The following CTNNA2 variants were observed in gnomAD, a reference collection of about 807,000 sequenced individuals.
The protein encoded by CTNNA2 is catenin alpha 2, also known as catenin alpha-2.
In CTNNA2, 42 loss-of-function variants were observed where a neutral mutation model predicts 101.0. The observed-to-expected ratio is 0.42, with a 90% CI of 0.32 to 0.54. The LOEUF is 0.54. Among genes scored for constraint, CTNNA2 ranks in the 20% least tolerant of loss-of-function variants. The pLI, the probability that CTNNA2 is intolerant of heterozygous loss-of-function variation, is 0.14. For synonymous variants in CTNNA2, 450 were observed against 456.4 expected (o/e 0.99, Z 0.18); for missense variants, 871 against 1,223.1 (o/e 0.71, Z 4.29).
At chr2:80,632,547 T>C (rs1672412620) in intron 18 of CTNNA2, among the ~76,000 whole-genome samples, 1 of 152,164 alleles carries the variant, frequency 6.6e-6, no homozygotes, top group Admixed American at 6.5e-5. Context: ...CTGACCATTC[T>C]CTGTAACTGG....
chr2:80,401,890 T>C (rs552724860), intron 8 of CTNNA2, among the ~76,000 whole-genome samples: 1 of 152,304 alleles, frequency 6.6e-6, no homozygotes, highest in African/African-American at 2.4e-5. Context: ...CCTCACTGAC[T>C]AGTTCTTTGA....
At chr2:80,363,616 C>T (rs927025465) in intron 7 of CTNNA2, among the ~76,000 whole-genome samples, 8 of 152,126 alleles carry the variant, frequency 5.3e-5, no homozygotes, top group African/African-American at 1.9e-4. Flanking sequence ...GTGAGGATTT[C>T]TGTACTTAGA....
At chr2:79,383,179 G>T (rs920499220) in intron 4 of CTNNA2, among the ~76,000 whole-genome samples, 7 of 152,188 alleles carry the variant, frequency 4.6e-5, no homozygotes, top group Non-Finnish European at 1.0e-4. Context: ...AACAGTAGAA[G>T]ATAAAGTGCC....
intron 1 of CTNNA2, among the ~76,000 whole-genome samples, chr2:79,570,839 C>A (rs1675419498): frequency 6.6e-6 from 1 of 152,020 alleles, no homozygotes; most frequent in South Asian, 2.1e-4. Context: ...GTTACAAATA[C>A]AATGAAATAA....
At chr2:79,271,536 G>A (rs1163019474) in intron 2 of CTNNA2, among the ~76,000 whole-genome samples, 1 of 152,080 alleles carries the variant, frequency 6.6e-6, no homozygotes, top group Admixed American at 6.6e-5. Flanking sequence ...TTTTTGGTAT[G>A]TGTGCATGGA....
At chr2:80,570,575 A>G (rs1323614951) in intron 12 of CTNNA2, among the ~76,000 whole-genome samples, 1 of 152,214 alleles carries the variant, frequency 6.6e-6, no homozygotes, top group African/African-American at 2.4e-5. Flanking sequence ...GTTACAGTAA[A>G]TATAATGAAT....
intron 7 of CTNNA2, among the ~76,000 whole-genome samples, chr2:80,172,445 G>A (rs975901217): frequency 7.2e-5 from 11 of 152,250 alleles, no homozygotes; most frequent in African/African-American, 2.2e-4. Context: ...AGGGGGAGAA[G>A]GTATGGTGTC....
intron 3 of CTNNA2, among the ~76,000 whole-genome samples, chr2:79,327,369 A>G (rs1349591867): frequency 6.6e-6 from 1 of 152,240 alleles, no homozygotes. Context: ...TCCAAGAGGT[A>G]TAATGGCTAA....
chr2:79,293,685 C>T (rs1675890582), intron 2 of CTNNA2, among the ~76,000 whole-genome samples: 1 of 152,112 alleles, frequency 6.6e-6, no homozygotes. Flanking sequence ...CAAAATAACA[C>T]TATTTTTCAA....
chr2:80,212,355 T>C (rs565089130), intron 7 of CTNNA2, among the ~76,000 whole-genome samples: 80 of 152,312 alleles, frequency 5.3e-4, no homozygotes, highest in African/African-American at 1.8e-3. Flanking sequence ...GGTGTGGGTT[T>C]GTCATAAACA....
chr2:79,427,258 C>T (rs772031818), intron 4 of CTNNA2, among the ~76,000 whole-genome samples: 1 of 152,010 alleles, frequency 6.6e-6, no homozygotes, highest in Admixed American at 6.6e-5. Context: ...TAAAATTTCA[C>T]AGGAATGTAG....
chr2:80,026,051 C>G (rs1375451813), intron 7 of CTNNA2, among the ~76,000 whole-genome samples: 1 of 151,986 alleles, frequency 6.6e-6, no homozygotes, highest in Non-Finnish European at 1.5e-5. Context: ...AGAGGGTGAG[C>G]TGGGATATGT....
intron 1 of CTNNA2, among the ~76,000 whole-genome samples, chr2:79,516,025 G>T (rs1671789105): frequency 6.6e-6 from 1 of 152,206 alleles, no homozygotes; most frequent in African/African-American, 2.4e-5. Flanking sequence ...GAGGAGAACA[G>T]GCATTTGCAT....
At chr2:80,376,476 A>AC (rs1187181445) in intron 7 of CTNNA2, among the ~76,000 whole-genome samples, 1 of 152,096 alleles carries the variant, frequency 6.6e-6, no homozygotes, top group African/African-American at 2.4e-5. Flanking sequence ...GAAAAAAAAA[A>AC]AAAAACGGTA....
At chr2:80,501,819 G>T (rs1687904529) in intron 9 of CTNNA2, among the ~76,000 whole-genome samples, 1 of 152,116 alleles carries the variant, frequency 6.6e-6, no homozygotes, top group Admixed American at 6.6e-5. Context: ...CCTTAAAGGG[G>T]TGCAGGTACT....
At chr2:80,583,033 T>C (rs900588801) in intron 14 of CTNNA2, among the ~76,000 whole-genome samples, 2 of 152,122 alleles carry the variant, frequency 1.3e-5, no homozygotes, top group Admixed American at 6.6e-5. Context: ...TTAAAGAATA[T>C]TAAAGACAAA....
intron 17 of CTNNA2, among the ~76,000 whole-genome samples, chr2:80,611,835 C>T (rs1462051532): frequency 6.6e-6 from 1 of 151,398 alleles, no homozygotes; most frequent in African/African-American, 2.4e-5. Flanking sequence ...ACAGGAGCTT[C>T]ATTATAACAA....
At chr2:80,432,234 G>C (rs898051627) in intron 9 of CTNNA2, among the ~76,000 whole-genome samples, 7 of 151,938 alleles carry the variant, frequency 4.6e-5, no homozygotes, top group Non-Finnish European at 8.8e-5. Context: ...GTCCCTCAAA[G>C]CCACTCCAGT....
At position 79,918,880 on chromosome 2, in the gene CTNNA2, G is replaced by A. The variant is rs1351006542; in HGVS notation, c.1056+9083G>A. On this transcript the variant is annotated intron_variant, in intron 7 of 18. Coordinates refer to ENST00000402739, the MANE Select transcript of CTNNA2 (RefSeq NM_001282597.3). Reference sequence around the variant, plus strand: ...GAGTTGGCAATAACAACCGGTTATGGATTAGCCCTACAGGGTTTCAAGTTT... The same window carrying A: ...GAGTTGGCAATAACAACCGGTTATGAATTAGCCCTACAGGGTTTCAAGTTT... Among the ~76,000 whole-genome samples the A allele has an allele frequency of 2.0e-5, 3 of 152,204 alleles. No homozygotes were observed. In the East Asian group the frequency reaches 5.8e-4, roughly 29 times the overall value.
Sources: allele counts gnomAD v4.1 joint callset (sites outside exome capture counted in the v4.1 genomes callset), GRCh38; gene constraint gnomAD v4.1.1; transcripts MANE v1.5; gene names NCBI Gene and HGNC (gene_info 2026-07-23, HGNC 2026-07-21).